Variants in GRID1 observed in about 807,000 individuals in gnomAD.
GRID1 encodes the protein glutamate ionotropic receptor delta type subunit 1.
In GRID1, 28 loss-of-function variants were observed where a neutral mutation model predicts 98.0. The ratio of observed to expected loss-of-function variants is 0.29; its 90% CI spans 0.21 to 0.39. GRID1 has a LOEUF of 0.39. GRID1 is among the 10% of genes least tolerant of loss of function. The pLI is 1.00. For missense variants in GRID1, 1,111 were observed against 1,340.5 expected, an observed-to-expected ratio of 0.83 and a Z score of 2.67; for synonymous variants, 553 against 538.5, an observed-to-expected ratio of 1.03 and a Z score of -0.37.
intron 2 of GRID1, among the ~76,000 whole-genome samples, chr10:86,258,389 AATGT>A (rs2132053460): frequency 6.6e-6 from 1 of 152,236 alleles, no homozygotes; most frequent in East Asian, 1.9e-4. Flanking sequence ...ATATTTGAGA[AATGT>A]ATTTGTCAGT....
chr10:85,740,008 T>C (rs1841924703), intron 8 of GRID1, among the ~76,000 whole-genome samples: 1 of 152,200 alleles, frequency 6.6e-6, no homozygotes, highest in Non-Finnish European at 1.5e-5. Flanking sequence ...AGCATTGTTT[T>C]TATAATCAGA....
chr10:86,342,283 C>T (rs1262789359), intron 2 of GRID1, among the ~76,000 whole-genome samples: 1 of 152,180 alleles, frequency 6.6e-6, no homozygotes, highest in Non-Finnish European at 1.5e-5. Flanking sequence ...CCAGAGAGGG[C>T]TGTAGCTCAC....
chr10:86,004,749 C>CTCACACACACACACACACAA (rs1842841104), intron 4 of GRID1, among the ~76,000 whole-genome samples: 2 of 151,362 alleles, frequency 1.3e-5, no homozygotes, highest in Admixed American at 6.6e-5. Context: ...CTCACACACA[C>CTCACACACACACACACACAA]ACACACACAG....
chr10:85,799,285 G>A (rs560268660), intron 8 of GRID1, among the ~76,000 whole-genome samples: 14 of 152,186 alleles, frequency 9.2e-5, no homozygotes, highest in African/African-American at 3.1e-4. Context: ...AATGCCTCCA[G>A]CTTTGTTCTT....
chr10:86,173,177 A>ACTTGGTCC (rs2131994787), intron 3 of GRID1, among the ~76,000 whole-genome samples: 1 of 152,288 alleles, frequency 6.6e-6, no homozygotes, highest in African/African-American at 2.4e-5. Flanking sequence ...AGCTGGGACT[A>ACTTGGTCC]CAGGTGTGTG....
intron 15 of GRID1, among the ~76,000 whole-genome samples, chr10:85,610,344 G>A (rs933970277): frequency 2.6e-5 from 4 of 152,076 alleles, no homozygotes; most frequent in Admixed American, 6.6e-5. Context: ...TAAGTCCTTC[G>A]GAGCAGGCCC....
intron 12 of GRID1, 95 bp downstream of exon 12, chr10:85,722,908 C>A: frequency 2.0e-6 from 2 of 1,012,934 alleles, no homozygotes; most frequent in South Asian, 2.9e-5. Flanking sequence ...CAGATCAGGG[C>A]TCTCTCCATC....
At chr10:85,877,880 T>G (rs977554386) in intron 5 of GRID1, among the ~76,000 whole-genome samples, 14 of 152,146 alleles carry the variant, frequency 9.2e-5, no homozygotes, top group African/African-American at 3.1e-4. Context: ...CAAAAAAAAT[T>G]AGACAAATGG....
At chr10:85,666,675 T>C (rs529687533) in intron 12 of GRID1, among the ~76,000 whole-genome samples, 14 of 152,336 alleles carry the variant, frequency 9.2e-5, no homozygotes, top group African/African-American at 3.1e-4. Context: ...TTTCGGTTAC[T>C]ACAGGGGACG....
intron 4 of GRID1, among the ~76,000 whole-genome samples, chr10:86,110,216 C>T (rs959349272): frequency 1.3e-5 from 2 of 152,116 alleles, no homozygotes; most frequent in South Asian, 2.1e-4. Flanking sequence ...TCAGGTGATC[C>T]ACCTGCCTCG....
chr10:86,047,883 G>A (rs772103488), intron 4 of GRID1, among the ~76,000 whole-genome samples: 2 of 152,216 alleles, frequency 1.3e-5, no homozygotes, highest in African/African-American at 4.8e-5. Flanking sequence ...GAACTTAGGC[G>A]TAAACTCTGC....
intron 2 of GRID1, among the ~76,000 whole-genome samples, chr10:86,298,087 T>C (rs1258984580): frequency 2.0e-5 from 3 of 152,198 alleles, no homozygotes; most frequent in Non-Finnish European, 4.4e-5. Flanking sequence ...AAGAAATGAC[T>C]GCTTCAAAAA....
intron 3 of GRID1, among the ~76,000 whole-genome samples, chr10:86,162,215 G>A (rs1035443825): frequency 6.6e-6 from 1 of 152,130 alleles, no homozygotes; most frequent in African/African-American, 2.4e-5. Context: ...GGTGTCCCAG[G>A]CAGCAAGGCC....
At chr10:85,634,249 CCT>C (rs775506130) in intron 13 of GRID1, among the ~76,000 whole-genome samples, 2,956 of 92,296 alleles carry the variant, frequency 0.032, 51 homozygotes, top group Non-Finnish European at 0.042. Context: ...TGATGGGGCA[CCT>C]CTCTCTCTCT....
intron 12 of GRID1, among the ~76,000 whole-genome samples, chr10:85,701,304 C>T (rs1310978753): frequency 6.6e-6 from 1 of 151,906 alleles, no homozygotes; most frequent in African/African-American, 2.4e-5. Flanking sequence ...GTACAGTATG[C>T]AGAAACCCTC....
Position 85,735,608 on chromosome 10 carries a change from T to C in GRID1, c.1234-5994A>G, listed in dbSNP as rs139926305. On this transcript the variant is annotated intron_variant, in intron 8 of 15. Coordinates refer to ENST00000327946, the MANE Select transcript of GRID1 (RefSeq NM_017551.3). ...TTATTAACCCTAAATGGGACAGGCA[T>C]CCTTTGGAAGATTGGGCTTTGTGTT... 5.8e-3 allele frequency among the ~76,000 whole-genome samples: 881 copies of C among 152,290 alleles called. 3 individuals carry two copies. Among genetic ancestry groups the C allele is most frequent in the Admixed American group, 0.01 (160 of 15,288 alleles).
intron 8 of GRID1, among the ~76,000 whole-genome samples, chr10:85,784,620 T>C (rs952343038): frequency 1.3e-5 from 2 of 152,182 alleles, no homozygotes; most frequent in African/African-American, 4.8e-5. Context: ...TTTGGGAGCA[T>C]GGACTGCAGA....
intron 8 of GRID1, among the ~76,000 whole-genome samples, chr10:85,775,713 T>G (rs1408106215): frequency 1.3e-5 from 2 of 152,146 alleles, no homozygotes; most frequent in Non-Finnish European, 2.9e-5. Flanking sequence ...ATTTAAAAAT[T>G]TTAAATTTTT....
chr10:86,116,211 G>A (rs1844576482), intron 4 of GRID1, among the ~76,000 whole-genome samples: 1 of 152,180 alleles, frequency 6.6e-6, no homozygotes, highest in Non-Finnish European at 1.5e-5. Context: ...TATCAACCAA[G>A]TGCAGTTGTC....
Sources: gnomAD v4.1 joint callset for allele counts (sites outside exome capture counted in the v4.1 genomes callset) on GRCh38, gnomAD v4.1.1 for gene constraint, MANE v1.5 for transcripts, NCBI Gene and HGNC (gene_info 2026-07-23, HGNC 2026-07-21) for gene names.